CDK6: variants seen among roughly 807,000 people sequenced by gnomAD.
CDK6 encodes cyclin-dependent kinase 6.
CDK6 carries 6 observed loss-of-function variants against 37.1 expected under a neutral mutation model. The ratio of observed to expected loss-of-function variants is 0.16; its 90% CI spans 0.09 to 0.32. The LOEUF is 0.32. Among genes scored for constraint, CDK6 ranks in the 10% least tolerant of loss-of-function variants. The pLI, the probability that CDK6 is intolerant of heterozygous loss-of-function variation, is 1.00. For missense variants in CDK6, 224 were observed against 418.9 expected, an observed-to-expected ratio of 0.53 and a Z score of 4.06; for synonymous variants, 160 against 161.3, an observed-to-expected ratio of 0.99 and a Z score of 0.06.
intron 3 of CDK6, among the ~76,000 whole-genome samples, chr7:92,763,070 GT>G (rs1242637708): frequency 7.2e-5 from 11 of 152,048 alleles, no homozygotes; most frequent in Non-Finnish European, 1.5e-4. Context: ...ATTTTCTTTG[GT>G]TTTGGCCAAG....
intron 2 of CDK6, among the ~76,000 whole-genome samples, chr7:92,801,298 A>T (rs183353065): frequency 1.2e-4 from 19 of 152,250 alleles, no homozygotes. Context: ...TAAACACTGG[A>T]ATTAAGCTTT....
chr7:92,822,320 T>C (rs1801195172), intron 2 of CDK6, among the ~76,000 whole-genome samples: 2 of 152,156 alleles, frequency 1.3e-5, no homozygotes, highest in Non-Finnish European at 1.5e-5. Flanking sequence ...TGCCAATCAT[T>C]ACATTATTAA....
chr7:92,745,807 C>T lies in CDK6; in HGVS notation c.370-20014G>A, dbSNP rs1201696813. Among the ~76,000 whole-genome samples, 3 of 152,156 alleles carry T rather than the reference C, an allele frequency of 2.0e-5. No homozygotes were observed. The East Asian group carries it at 5.8e-4, about 29-fold the overall frequency. ...CAAATCTGCTTCATACTATATTTATCAATCCAGCCATCCAATAAACACTGA... is the reference window on the plus strand; with the variant it reads ...CAAATCTGCTTCATACTATATTTATTAATCCAGCCATCCAATAAACACTGA... On this transcript the variant is annotated intron_variant, in intron 3 of 7. Coordinates refer to ENST00000424848, the MANE Select transcript of CDK6 (RefSeq NM_001145306.2).
chr7:92,824,287 C>T (rs1801255902), intron 2 of CDK6, among the ~76,000 whole-genome samples: 1 of 151,810 alleles, frequency 6.6e-6, no homozygotes. Context: ...TAGGAACAGC[C>T]TCAGAAAATA....
intron 5 of CDK6, among the ~76,000 whole-genome samples, chr7:92,625,414 A>G (rs1795903629): frequency 6.6e-6 from 1 of 152,014 alleles, no homozygotes. Flanking sequence ...TATTGCTTAC[A>G]TGTTACAGCT....
At chr7:92,663,983 T>C (rs892740462) in intron 5 of CDK6, among the ~76,000 whole-genome samples, 1 of 151,340 alleles carries the variant, frequency 6.6e-6, no homozygotes, top group Non-Finnish European at 1.5e-5. Context: ...CTACTAAAAA[T>C]ACAAAAAATT....
chr7:92,702,663 T>C (rs538345469), intron 4 of CDK6, among the ~76,000 whole-genome samples: 2 of 152,364 alleles, frequency 1.3e-5, no homozygotes, highest in East Asian at 3.9e-4. Context: ...TGGCTCAGTA[T>C]GTTTCAAACC....
intron 3 of CDK6, among the ~76,000 whole-genome samples, chr7:92,726,152 T>C (rs1322247947): frequency 6.6e-6 from 1 of 152,186 alleles, no homozygotes; most frequent in African/African-American, 2.4e-5. Flanking sequence ...CTCTATTGTT[T>C]AATGTGCCAT....
At chr7:92,725,357 G>A (rs1798486492) in intron 4 of CDK6, 1 of 981,070 alleles carries the variant, frequency 1.0e-6, no homozygotes, top group Non-Finnish European at 1.2e-6. Flanking sequence ...AAAGCATTTG[G>A]AAACTTGTAA....
chr7:92,709,534 A>G (rs1246353390), intron 4 of CDK6, among the ~76,000 whole-genome samples: 1 of 152,252 alleles, frequency 6.6e-6, no homozygotes, highest in South Asian at 2.1e-4. Context: ...TTACATATAC[A>G]TATATGTAAC....
At position 92,671,652 on chromosome 7, in the gene CDK6, A is replaced by G. The variant is rs372801691; in HGVS notation, c.538-117T>C. On this transcript the variant is annotated intron_variant, in intron 4 of 7. Coordinates refer to ENST00000424848, the MANE Select transcript of CDK6 (RefSeq NM_001145306.2). ...TTCAGAAAGAACTCCTATAAATCATATAAGGACACTGCGCTAGAAGCAATA... is the reference window on the plus strand; with the variant it reads ...TTCAGAAAGAACTCCTATAAATCATGTAAGGACACTGCGCTAGAAGCAATA... 208 of 483,044 alleles carry G rather than the reference A, an allele frequency of 4.3e-4. 1 individual carries two copies. Among genetic ancestry groups the G allele is most frequent in the African/African-American group, 3.9e-3 (195 of 50,026 alleles). The allele number at this position is 483,044 out of a possible 1,614,324, so 29.9% of individuals were successfully genotyped here.
chr7:92,663,850 T>C (rs1796893118), intron 5 of CDK6, among the ~76,000 whole-genome samples: 1 of 151,904 alleles, frequency 6.6e-6, no homozygotes, highest in Non-Finnish European at 1.5e-5. Context: ...CTCATAAAAA[T>C]GCTTTTTAAA....
intron 2 of CDK6, among the ~76,000 whole-genome samples, chr7:92,794,750 A>C (rs537226538): frequency 2.0e-4 from 31 of 152,276 alleles, no homozygotes; most frequent in South Asian, 1.0e-3. Context: ...GAATGGATAT[A>C]TAATATGAAT....
intron 4 of CDK6, among the ~76,000 whole-genome samples, chr7:92,674,919 C>T (rs1255983791): frequency 6.6e-6 from 1 of 152,226 alleles, no homozygotes; most frequent in Non-Finnish European, 1.5e-5. Flanking sequence ...GCAATGTCCA[C>T]CTTCCAGGCT....
At chr7:92,724,000 A>G (rs1051163371) in intron 4 of CDK6, among the ~76,000 whole-genome samples, 5 of 152,164 alleles carry the variant, frequency 3.3e-5, no homozygotes, top group Admixed American at 2.6e-4. Context: ...GATTAAAATA[A>G]AAGCGTCCAT....
At chr7:92,784,321 A>G (rs1800069093) in intron 2 of CDK6, among the ~76,000 whole-genome samples, 1 of 152,206 alleles carries the variant, frequency 6.6e-6, no homozygotes, top group Admixed American at 6.5e-5. Context: ...GTCCAGTTCC[A>G]ATACAAAATA....
At chr7:92,668,497 A>G (rs376070704) in intron 5 of CDK6, among the ~76,000 whole-genome samples, 1 of 152,242 alleles carries the variant, frequency 6.6e-6, no homozygotes, top group Non-Finnish European at 1.5e-5. Context: ...GTGATAAAGA[A>G]AGGACAAAAT....
At chr7:92,731,162 G>A (rs1252373796) in intron 3 of CDK6, among the ~76,000 whole-genome samples, 2 of 152,132 alleles carry the variant, frequency 1.3e-5, no homozygotes, top group African/African-American at 4.8e-5. Context: ...AACCTGACAG[G>A]GTTCCCGTGT....
chr7:92,799,722 CCTT>C (rs1800519927), intron 2 of CDK6, among the ~76,000 whole-genome samples: 1 of 152,102 alleles, frequency 6.6e-6, no homozygotes, highest in Non-Finnish European at 1.5e-5. Context: ...GTGATTTTCT[CCTT>C]ATTGTGGGAC....
Sources: allele counts gnomAD v4.1 joint callset (sites outside exome capture counted in the v4.1 genomes callset), GRCh38; gene constraint gnomAD v4.1.1; transcripts MANE v1.5; gene names NCBI Gene and HGNC (gene_info 2026-07-23, HGNC 2026-07-21).